LRMDA: variants seen among roughly 807,000 people sequenced by gnomAD.
LRMDA encodes leucine rich melanocyte differentiation associated, also known as leucine-rich melanocyte differentiation-associated protein.
A neutral mutation model predicts 29.8 loss-of-function variants in LRMDA; 18 were observed. The ratio of observed to expected loss-of-function variants is 0.60; its 90% CI spans 0.42 to 0.90. LRMDA has a LOEUF of 0.90. Among genes scored for constraint, LRMDA ranks in the 40% least tolerant of loss-of-function variants. The pLI is 0.00. For synonymous variants in LRMDA, 125 were observed against 109.4 expected, an observed-to-expected ratio of 1.14 and a Z score of -0.89; for missense variants, 273 against 273.9, an observed-to-expected ratio of 1.00 and a Z score of 0.02.
At chr10:76,471,585 C>T (rs1842617974) in intron 6 of LRMDA, among the ~76,000 whole-genome samples, 1 of 151,218 alleles carries the variant, frequency 6.6e-6, no homozygotes, top group South Asian at 2.1e-4. Context: ...ATAATAATAT[C>T]AAATATAAAT....
intron 2 of LRMDA, among the ~76,000 whole-genome samples, chr10:75,562,621 G>GC (rs1840313562): frequency 6.6e-6 from 1 of 152,096 alleles, no homozygotes; most frequent in Admixed American, 6.5e-5. Context: ...TTTCTTCCTA[G>GC]CCTCGATGGT....
At chr10:75,554,409 A>G (rs1840189366) in intron 2 of LRMDA, among the ~76,000 whole-genome samples, 1 of 152,320 alleles carries the variant, frequency 6.6e-6, no homozygotes, top group African/African-American at 2.4e-5. Flanking sequence ...GTCACTGTAC[A>G]TAGCTGTGAG....
At chr10:75,678,184 A>G (rs938729171) in intron 2 of LRMDA, among the ~76,000 whole-genome samples, 8 of 152,186 alleles carry the variant, frequency 5.3e-5, no homozygotes, top group Admixed American at 5.2e-4. Flanking sequence ...ACATATACAC[A>G]CACCATAATT....
chr10:75,671,947 C>A (rs1339259901), intron 2 of LRMDA, among the ~76,000 whole-genome samples: 1 of 152,104 alleles, frequency 6.6e-6, no homozygotes, highest in African/African-American at 2.4e-5. Context: ...TTTCTCTCCA[C>A]CCAATAGCTA....
Position 75,690,992 on chromosome 10 carries a change from TATACAC to T in LRMDA, c.131+252500_131+252505del, listed in dbSNP as rs1416633554. On this transcript the variant is annotated intron_variant, in intron 2 of 6. Coordinates refer to ENST00000611255, the MANE Select transcript of LRMDA (RefSeq NM_001305581.2). ...CTTAAAAAAAAAATATATATATATATATACACACACACACACACACACACACACACA... is the reference window on the plus strand; with the variant it reads ...CTTAAAAAAAAAATATATATATATATACACACACACACACACACACACACA... 5.9e-3 allele frequency among the ~76,000 whole-genome samples: 554 copies of T among 94,042 alleles called. 12 individuals carry two copies. Among genetic ancestry groups the T allele is most frequent in the African/African-American group, 0.021 (461 of 22,174 alleles). The allele number at this position is 94,042 out of a possible 152,430, so 61.7% of individuals were successfully genotyped here.
chr10:75,850,740 C>T (rs1053601652), intron 2 of LRMDA, among the ~76,000 whole-genome samples: 10 of 152,086 alleles, frequency 6.6e-5, no homozygotes, highest in African/African-American at 2.4e-4. Context: ...AAAATGCAGA[C>T]AATCAGGATG....
intron 5 of LRMDA, among the ~76,000 whole-genome samples, chr10:76,059,709 TA>T (rs1243580601): frequency 6.6e-6 from 1 of 152,158 alleles, no homozygotes; most frequent in East Asian, 1.9e-4. Flanking sequence ...TGGAAATGAT[TA>T]AAGGGGGGAA....
At chr10:75,852,369 T>C (rs1844746155) in intron 2 of LRMDA, among the ~76,000 whole-genome samples, 5 of 152,190 alleles carry the variant, frequency 3.3e-5, no homozygotes, top group Admixed American at 3.3e-4. Flanking sequence ...ATTATATTCA[T>C]TTAGGAGCCT....
chr10:76,410,160 A>T (rs1233737705), intron 6 of LRMDA, among the ~76,000 whole-genome samples: 1 of 152,110 alleles, frequency 6.6e-6, no homozygotes, highest in African/African-American at 2.4e-5. Flanking sequence ...GGGAGGGGAT[A>T]GAGAGAGAAA....
At chr10:75,706,096 A>G (rs981858950) in intron 2 of LRMDA, among the ~76,000 whole-genome samples, 1 of 152,154 alleles carries the variant, frequency 6.6e-6, no homozygotes, top group African/African-American at 2.4e-5. Flanking sequence ...ACAGGAGATC[A>G]TACACTTTTT....
intron 5 of LRMDA, among the ~76,000 whole-genome samples, chr10:76,321,900 G>A (rs765466240): frequency 1.1e-4 from 16 of 152,134 alleles, no homozygotes; most frequent in Non-Finnish European, 2.1e-4. Context: ...AGTTGAGATC[G>A]TGCCACTGTA....
intron 4 of LRMDA, among the ~76,000 whole-genome samples, chr10:76,052,147 C>T (rs950600861): frequency 1.3e-5 from 2 of 152,134 alleles, no homozygotes; most frequent in African/African-American, 2.4e-5. Context: ...TCTCAGGTAG[C>T]GCATCAGTAG....
At chr10:75,728,905 A>G (rs1564551263) in intron 2 of LRMDA, among the ~76,000 whole-genome samples, 1 of 152,136 alleles carries the variant, frequency 6.6e-6, no homozygotes, top group Non-Finnish European at 1.5e-5. Context: ...CACAGTAGCC[A>G]TGCTGAGCCC....
chr10:76,372,706 T>C (rs1841469096), intron 6 of LRMDA, among the ~76,000 whole-genome samples: 1 of 152,098 alleles, frequency 6.6e-6, no homozygotes, highest in African/African-American at 2.4e-5. Flanking sequence ...AGCATCTTTT[T>C]TATGCTATGC....
chr10:76,349,449 T>C (rs2132429946), intron 6 of LRMDA, among the ~76,000 whole-genome samples: 1 of 152,226 alleles, frequency 6.6e-6, no homozygotes, highest in East Asian at 1.9e-4. Flanking sequence ...TGTAGCTATG[T>C]TGACTCACAT....
rs577097087 is a variant in LRMDA at position 75,632,120 on chromosome 10, A to G, written c.131+193626A>G. Among the ~76,000 whole-genome samples the G allele has an allele frequency of 7.2e-5, 11 of 152,302 alleles. No homozygotes were observed. The South Asian group carries it at 2.3e-3, about 32-fold the overall frequency. On this transcript the variant is annotated intron_variant, in intron 2 of 6. Transcript: ENST00000611255. ...CATAGCAGACAGCATCCCAGAGAAG[A>G]GTCAGCTTGGTACCATCCCCTGGGA...
intron 2 of LRMDA, among the ~76,000 whole-genome samples, chr10:75,740,156 C>G (rs1015186153): frequency 6.6e-6 from 1 of 152,184 alleles, no homozygotes; most frequent in Non-Finnish European, 1.5e-5. Context: ...AAAATAAATG[C>G]GTGCTTTTAG....
Position 75,549,084 on chromosome 10 carries a change from A to G in LRMDA, c.131+110590A>G, listed in dbSNP as rs568009496. ...ACAGTATTCACCCTTTTGTGTGCCT[A>G]GTTTCTTTCACTCAAAAGCATAATG... On this transcript the variant is annotated intron_variant, in intron 2 of 6. Transcript: ENST00000611255. Among the ~76,000 whole-genome samples the G allele has an allele frequency of 4.7e-4, 71 of 152,180 alleles. No individual in the cohort carries two copies. The South Asian group carries it at 0.014, about 31-fold the overall frequency.
chr10:76,222,627 A>G (rs1013873587), intron 5 of LRMDA, among the ~76,000 whole-genome samples: 2 of 152,028 alleles, frequency 1.3e-5, no homozygotes, highest in Non-Finnish European at 2.9e-5. Flanking sequence ...AACAGGTGCT[A>G]GAGAGGATGT....
Sources: allele counts gnomAD v4.1 joint callset (sites outside exome capture counted in the v4.1 genomes callset), GRCh38; gene constraint gnomAD v4.1.1; transcripts MANE v1.5; gene names NCBI Gene and HGNC (gene_info 2026-07-23, HGNC 2026-07-21).